The following FGF1 variants were observed in gnomAD, a reference collection of about 807,000 sequenced individuals.
FGF1 encodes the protein fibroblast growth factor 1.
FGF1 carries 9 observed loss-of-function variants against 13.4 expected under a neutral mutation model. The observed-to-expected ratio is 0.67, with a 90% CI of 0.40 to 1.17. The LOEUF (loss-of-function observed/expected upper bound fraction) is 1.17, where lower values mean the gene tolerates loss of function less well. Ranked by LOEUF, FGF1 falls within the 50% of genes most tolerant of loss-of-function variation. The probability of loss-of-function intolerance (pLI) is 0.01; values close to 1 mark genes in which losing one functional copy is unlikely to be tolerated. For synonymous variants in FGF1, 93 were observed against 79.0 expected, an observed-to-expected ratio of 1.18 and a Z score of -0.94; for missense variants, 156 against 192.7, an observed-to-expected ratio of 0.81 and a Z score of 1.13.
chr5:142,666,288 AC>A (rs1157038831), intron 1 of FGF1, among the ~76,000 whole-genome samples: 20 of 150,812 alleles, frequency 1.3e-4, no homozygotes, highest in African/African-American at 4.9e-4. Context: ...ATACACACAC[AC>A]ACACACACAC....
intron 1 of FGF1, among the ~76,000 whole-genome samples, chr5:142,674,326 C>A (rs1772073421): frequency 6.6e-6 from 1 of 152,176 alleles, no homozygotes; most frequent in Non-Finnish European, 1.5e-5. Context: ...TGGATCGTAT[C>A]TGCTCTTGTG....
At chr5:142,598,337 C>T (rs987778694) in intron 3 of FGF1, among the ~76,000 whole-genome samples, 7 of 152,166 alleles carry the variant, frequency 4.6e-5, no homozygotes, top group Non-Finnish European at 7.3e-5. Flanking sequence ...AGCGGTGCTC[C>T]GTCCCTCCAC....
At chr5:142,646,307 C>T (rs1766090443) in intron 1 of FGF1, among the ~76,000 whole-genome samples, 1 of 146,822 alleles carries the variant, frequency 6.8e-6, no homozygotes, top group East Asian at 2.0e-4. Flanking sequence ...ACCTCTGCTG[C>T]CTCAGCCTCC....
rs1434024570 is a variant in FGF1, at chr5:142,614,024, C to T, written c.104G>A (p.Gly35Asp). ...ATCCGGAAGGATCCTCAGGAAGTGGCCCCCGTTGCTACAGTAGAGGAGTTT... is the reference window on the plus strand; with the variant it reads ...ATCCGGAAGGATCCTCAGGAAGTGGTCCCCGTTGCTACAGTAGAGGAGTTT... ...KPKLLYCSNG[G>D]HFLRILPDGT... The change falls in exon 2 of 4, where the codon GGC (glycine) becomes GAC (aspartate). Residue 35 changes from glycine to aspartate, a missense_variant. Coordinates refer to ENST00000337706, the MANE Select transcript of FGF1 (RefSeq NM_000800.5). 6.2e-7 allele frequency: 1 copy of T among 1,614,000 alleles called. No homozygotes were observed. Among genetic ancestry groups the T allele is most frequent in the Non-Finnish European group, 8.5e-7 (1 of 1,179,994 alleles).
intron 1 of FGF1, among the ~76,000 whole-genome samples, chr5:142,675,991 T>C (rs570178207): frequency 6.6e-6 from 1 of 152,306 alleles, no homozygotes; most frequent in East Asian, 1.9e-4. Context: ...ATCTACAGCT[T>C]AAAACTTCGG....
intron 1 of FGF1, among the ~76,000 whole-genome samples, chr5:142,636,558 A>C (rs181319581): frequency 3.3e-4 from 50 of 152,342 alleles, no homozygotes; most frequent in Non-Finnish European, 6.6e-4. Flanking sequence ...GCTCTCTTGA[A>C]GTTTGAATTC....
At chr5:142,646,015 TCTC>T (rs1381177081) in intron 1 of FGF1, among the ~76,000 whole-genome samples, 1 of 152,118 alleles carries the variant, frequency 6.6e-6, no homozygotes, top group Non-Finnish European at 1.5e-5. Context: ...TTCAAGTCAT[TCTC>T]CTGCCTCAGC....
In FGF1 at chr5:142,662,213, TATACGA is replaced by T. The variant is rs556217362; in HGVS notation, c.-35+23738_-35+23743del. Among the ~76,000 whole-genome samples the T allele has an allele frequency of 2.8e-4, 43 of 152,312 alleles. 1 individual carries two copies. Among genetic ancestry groups the T allele is most frequent in the African/African-American group, 9.6e-4 (40 of 41,568 alleles). ...GGCAGTAGTTGCATGACACTGTGAA[TATACGA>T]AAAGCCATTGAACTATACACTTTGA... On this transcript the variant is annotated intron_variant, in intron 1 of 3. Transcript: ENST00000337706.
In FGF1 at chr5:142,686,032, C is replaced by T. The variant is rs1751113321; in HGVS notation, c.-110G>A. 6.6e-6 allele frequency: 1 copy of T among 152,186 alleles called. No homozygotes were observed. Among genetic ancestry groups the T allele is most frequent in the African/African-American group, 2.4e-5 (1 of 41,422 alleles). The allele number at this position is 152,186 out of a possible 1,614,324, so 9.4% of individuals were successfully genotyped here. On this transcript the variant is annotated 5_prime_UTR_variant, in exon 1 of 4. The change creates a new upstream start codon in the 5' untranslated region. Transcript: ENST00000337706. Reference sequence around the variant, plus strand: ...GCTGTCCCAGGGGAAGCAGAATCCACTTGGTGTCTTCTTCTCAGAGTAGCC... The same window carrying T: ...GCTGTCCCAGGGGAAGCAGAATCCATTTGGTGTCTTCTTCTCAGAGTAGCC...
intron 1 of FGF1, among the ~76,000 whole-genome samples, chr5:142,655,239 C>T (rs961073238): frequency 2.6e-5 from 4 of 152,180 alleles, no homozygotes; most frequent in South Asian, 2.1e-4. Flanking sequence ...CCCTTTATGA[C>T]GCTTGTAAAA....
At chr5:142,644,605 T>C (rs903497403) in intron 1 of FGF1, among the ~76,000 whole-genome samples, 1 of 152,170 alleles carries the variant, frequency 6.6e-6, no homozygotes, top group Non-Finnish European at 1.5e-5. Flanking sequence ...CTCCTCATCC[T>C]TCATACCTAC....
In FGF1 at chr5:142,696,597, G is replaced by C. The variant is rs146013026; in HGVS notation, c.-35+1025C>G. On this transcript the variant is annotated intron_variant, in intron 2 of 4. Coordinates refer to the FGF1 transcript ENST00000407758. ...GCCATGTGGCCTTCACAATGGGCAG[G>C]TCTTCCTGGAAACAGAAGGACGCAG... Among the ~76,000 whole-genome samples, 240 of 152,318 alleles carry C rather than the reference G, an allele frequency of 1.6e-3. 2 individuals are homozygous for C. The highest frequency in any genetic ancestry group is 5.5e-3 in the African/African-American group (228 of 41,570).
chr5:142,615,126 C>T (rs1759946287), intron 1 of FGF1, among the ~76,000 whole-genome samples: 1 of 152,136 alleles, frequency 6.6e-6, no homozygotes, highest in South Asian at 2.1e-4. Flanking sequence ...AAAACATATA[C>T]TTGCCCCACC....
chr5:142,652,487 T>C (rs1321519402), intron 1 of FGF1, among the ~76,000 whole-genome samples: 1 of 152,188 alleles, frequency 6.6e-6, no homozygotes, highest in African/African-American at 2.4e-5. Context: ...CCTTCCTGTG[T>C]AGGTCATCCC....
rs1450309286 is a variant in FGF1 at position 142,614,059 on chromosome 5, G to A, written c.69C>T (p.Tyr23=). ...TACAGTAGAGGAGTTTGGGCTTCTTGTAATTCCCTGGAGGCAGATTAAACT... is the reference window on the plus strand; with the variant it reads ...TACAGTAGAGGAGTTTGGGCTTCTTATAATTCCCTGGAGGCAGATTAAACT... ...TEKFNLPPGN[Y]KKPKLLYCSN... is the part of the protein sequence containing the mutation. Residue 23 remains tyrosine (Y), a synonymous_variant, in exon 2 of 4, where the codon TAC becomes TAT. Coordinates refer to ENST00000337706, the MANE Select transcript of FGF1 (RefSeq NM_000800.5). The A allele has an allele frequency of 1.3e-5, 21 of 1,614,062 alleles. No homozygotes were observed. The Admixed American group carries it at 1.3e-4, about 10-fold the overall frequency.
At chr5:142,631,197 G>T (rs1763318622) in intron 1 of FGF1, among the ~76,000 whole-genome samples, 1 of 152,140 alleles carries the variant, frequency 6.6e-6, no homozygotes, top group Admixed American at 6.5e-5. Flanking sequence ...TAAAGCAAGT[G>T]TTTTTCCCCT....
intron 1 of FGF1, among the ~76,000 whole-genome samples, chr5:142,666,547 A>G (rs1237287160): frequency 3.3e-5 from 5 of 151,852 alleles, no homozygotes; most frequent in African/African-American, 7.3e-5. Context: ...TCCCCACAAA[A>G]AAAACCGTAG....
At chr5:142,597,678 C>G (rs891151779) in intron 3 of FGF1, among the ~76,000 whole-genome samples, 2 of 152,224 alleles carry the variant, frequency 1.3e-5, no homozygotes, top group Non-Finnish European at 2.9e-5. Context: ...CCTGCAGTCT[C>G]TCTTCACCCA....
intron 2 of FGF1, among the ~76,000 whole-genome samples, chr5:142,611,285 C>T (rs1008215665): frequency 8.5e-5 from 13 of 152,276 alleles, no homozygotes; most frequent in African/African-American, 2.9e-4. Context: ...GGAGTACATC[C>T]GTGCCCAGGA....
Sources: allele counts gnomAD v4.1 joint callset (sites outside exome capture counted in the v4.1 genomes callset), GRCh38; gene constraint gnomAD v4.1.1; transcripts MANE v1.5; gene names NCBI Gene and HGNC (gene_info 2026-07-23, HGNC 2026-07-21).